The following CCDC60 variants were observed in gnomAD, a reference collection of about 807,000 sequenced individuals.
The protein encoded by CCDC60 is coiled-coil domain-containing protein 60.
A neutral mutation model predicts 63.5 loss-of-function variants in CCDC60; 54 were observed. The ratio of observed to expected loss-of-function variants is 0.85; its 90% confidence interval spans 0.68 to 1.07. The LOEUF (loss-of-function observed/expected upper bound fraction) is 1.07, where lower values mean the gene tolerates loss of function less well. CCDC60 is among the 50% of genes least tolerant of loss of function. The probability of loss-of-function intolerance (pLI) is 0.00; values close to 1 mark genes in which losing one functional copy is unlikely to be tolerated. For missense variants in CCDC60, 651 were observed against 684.3 expected, an observed-to-expected ratio of 0.95 and a Z score of 0.54; for synonymous variants, 206 against 238.8, an observed-to-expected ratio of 0.86 and a Z score of 1.27.
chr12:119,508,738 G>A (rs562418251), intron 7 of CCDC60, among the ~76,000 whole-genome samples: 5 of 152,326 alleles, frequency 3.3e-5, no homozygotes, highest in South Asian at 2.1e-4. Context: ...CCAGGTGCAA[G>A]AGGAAGTATC....
At chr12:119,477,859 A>G (rs528438693) in intron 3 of CCDC60, among the ~76,000 whole-genome samples, 2 of 152,168 alleles carry the variant, frequency 1.3e-5, no homozygotes, top group African/African-American at 4.8e-5. Flanking sequence ...TTTATGTGAC[A>G]TCTCCCAATT....
At chr12:119,342,568 CACA>C (rs1334141580) in intron 1 of CCDC60, among the ~76,000 whole-genome samples, 1 of 152,200 alleles carries the variant, frequency 6.6e-6, no homozygotes, top group Non-Finnish European at 1.5e-5. Context: ...CCCTACCCTA[CACA>C]ACAACTGCTT....
At chr12:119,511,945 G>C (rs552268213) in intron 7 of CCDC60, among the ~76,000 whole-genome samples, 4 of 152,180 alleles carry the variant, frequency 2.6e-5, no homozygotes, top group African/African-American at 9.6e-5. Context: ...AGGGAAGGTT[G>C]GCATGACAAG....
chr12:119,451,561 G>A (rs1950636607), intron 2 of CCDC60, among the ~76,000 whole-genome samples: 1 of 152,078 alleles, frequency 6.6e-6, no homozygotes, highest in African/African-American at 2.4e-5. Flanking sequence ...TCTGATTCAG[G>A]TCAGAAAAAT....
intron 2 of CCDC60, among the ~76,000 whole-genome samples, chr12:119,455,845 G>C (rs73217294): frequency 7.0e-6 from 1 of 142,154 alleles, no homozygotes; most frequent in Non-Finnish European, 1.5e-5. Flanking sequence ...GAAGAAGGAA[G>C]GAAGGAAGAA....
intron 1 of CCDC60, among the ~76,000 whole-genome samples, chr12:119,400,670 G>A (rs1248599166): frequency 1.3e-5 from 2 of 152,240 alleles, no homozygotes; most frequent in African/African-American, 4.8e-5. Context: ...CACACCAGAG[G>A]TTCTGGTTCA....
chr12:119,405,161 C>T (rs1956464456), intron 1 of CCDC60, among the ~76,000 whole-genome samples: 1 of 152,206 alleles, frequency 6.6e-6, no homozygotes, highest in South Asian at 2.1e-4. Flanking sequence ...TGCACACCCC[C>T]AGGAACCGTG....
chr12:119,477,759 A>G (rs1951207081), intron 3 of CCDC60, among the ~76,000 whole-genome samples: 1 of 152,242 alleles, frequency 6.6e-6, no homozygotes, highest in African/African-American at 2.4e-5. Context: ...ACCTCATTCA[A>G]AGCAGTCTGT....
chr12:119,424,251 A>G lies in CCDC60; in HGVS notation c.91-4432A>G, dbSNP rs918496342. Among the ~76,000 whole-genome samples the G allele has an allele frequency of 2.6e-5, 4 of 152,352 alleles. No homozygotes were observed. In the East Asian group the frequency reaches 5.8e-4, roughly 22 times the overall value. Reference sequence around the variant, plus strand: ...TAAGCATAAATCTTAGAGCTTCTCTATGATCTACTATCTTTACGTTTTGTA... The same window carrying G: ...TAAGCATAAATCTTAGAGCTTCTCTGTGATCTACTATCTTTACGTTTTGTA... On this transcript the variant is annotated intron_variant, in intron 1 of 13. Transcript: ENST00000327554.
Position 119,540,730 on chromosome 12 carries a change from G to T in CCDC60, c.*15G>T. On this transcript the variant is annotated 3_prime_UTR_variant, in exon 14 of 14. Transcript: ENST00000327554. The stretch of plus-strand genomic sequence containing the variant: ...CCCTGAGGTAGGCTGGGCCTGGGTT[G>T]ACCAGCTGTCTCAGTGGAGGAGTGT... 1.3e-6 allele frequency: 2 copies of T among 1,577,602 alleles called. No individual in the cohort carries two copies. The highest frequency in any genetic ancestry group is 2.2e-5 in the South Asian group (2 of 90,174).
intron 1 of CCDC60, among the ~76,000 whole-genome samples, chr12:119,426,591 T>G (rs1438828234): frequency 6.6e-6 from 1 of 152,098 alleles, no homozygotes; most frequent in Non-Finnish European, 1.5e-5. Context: ...ATTCCTGAGC[T>G]CAAGCCATCC....
intron 13 of CCDC60, among the ~76,000 whole-genome samples, chr12:119,538,230 G>A (rs575945454): frequency 1.2e-4 from 18 of 152,344 alleles, no homozygotes; most frequent in African/African-American, 3.8e-4. Flanking sequence ...CGAGCCAGGC[G>A]CATATAATTT....
chr12:119,506,985 C>A (rs750778344), intron 7 of CCDC60, among the ~76,000 whole-genome samples: 1 of 152,082 alleles, frequency 6.6e-6, no homozygotes, highest in Non-Finnish European at 1.5e-5. Context: ...CTCTGATGCA[C>A]GGGACATCTT....
At chr12:119,400,833 C>A (rs932211670) in intron 1 of CCDC60, among the ~76,000 whole-genome samples, 92 of 138,244 alleles carry the variant, frequency 6.7e-4, no homozygotes, top group Admixed American at 2.8e-4. Context: ...CGAATGATGG[C>A]CATCCCGGAG....
At chr12:119,412,671 C>G (rs1445171607) in intron 1 of CCDC60, among the ~76,000 whole-genome samples, 1 of 152,028 alleles carries the variant, frequency 6.6e-6, no homozygotes, top group Non-Finnish European at 1.5e-5. Flanking sequence ...CTCTGGGTCT[C>G]GGTTCTCTTA....
At chr12:119,364,481 G>A (rs145594229) in intron 1 of CCDC60, among the ~76,000 whole-genome samples, 448 of 152,122 alleles carry the variant, frequency 2.9e-3, no homozygotes, top group African/African-American at 0.01. Flanking sequence ...GAATCACATA[G>A]TATATGCTCT....
At chr12:119,387,589 T>C (rs888560692) in intron 1 of CCDC60, among the ~76,000 whole-genome samples, 1 of 152,216 alleles carries the variant, frequency 6.6e-6, no homozygotes, top group African/African-American at 2.4e-5. Context: ...CCTTTTTCTA[T>C]AGGTATGAAT....
intron 13 of CCDC60, among the ~76,000 whole-genome samples, chr12:119,533,894 C>A (rs979198488): frequency 2.0e-5 from 3 of 152,130 alleles, no homozygotes; most frequent in East Asian, 3.9e-4. Context: ...ATTGACTTGA[C>A]AATACGGGCT....
intron 1 of CCDC60, among the ~76,000 whole-genome samples, chr12:119,376,441 A>C (rs963438360): frequency 1.3e-5 from 2 of 152,142 alleles, no homozygotes; most frequent in Admixed American, 1.3e-4. Context: ...CAGCCTGGGA[A>C]ACATGGTGAA....
Sources: allele counts gnomAD v4.1 joint callset (sites outside exome capture counted in the v4.1 genomes callset), GRCh38; gene constraint gnomAD v4.1.1; transcripts MANE v1.5; gene names NCBI Gene and HGNC (gene_info 2026-07-23, HGNC 2026-07-21).